AFAP1: variants seen among roughly 807,000 people sequenced by gnomAD.
AFAP1 encodes the protein actin filament-associated protein 1.
In AFAP1, 75 loss-of-function variants were observed where a neutral mutation model predicts 93.9. The observed-to-expected ratio is 0.80, with a 90% CI of 0.66 to 0.97. The LOEUF (loss-of-function observed/expected upper bound fraction) is 0.97, where lower values mean the gene tolerates loss of function less well. Ranked by LOEUF, AFAP1 falls within the 50% of genes least tolerant of loss-of-function variation. AFAP1 has a pLI of 0.00. For synonymous variants in AFAP1, 517 were observed against 430.7 expected, an observed-to-expected ratio of 1.20 and a Z score of -2.48; for missense variants, 1,201 against 1,050.8, an observed-to-expected ratio of 1.14 and a Z score of -1.98.
chr4:7,853,590 GGAA>G (rs1432330910), intron 4 of AFAP1, among the ~76,000 whole-genome samples: 1 of 152,110 alleles, frequency 6.6e-6, no homozygotes, highest in African/African-American at 2.4e-5. Flanking sequence ...CTTCTTCCAG[GGAA>G]GAAGTTCTCA....
chr4:7,766,002 T>C (rs1030181714), intron 17 of AFAP1, among the ~76,000 whole-genome samples: 1 of 152,178 alleles, frequency 6.6e-6, no homozygotes, highest in African/African-American at 2.4e-5. Context: ...GCTCATTAAC[T>C]GGGTCATGAG....
intron 1 of AFAP1, among the ~76,000 whole-genome samples, chr4:7,876,189 C>T (rs1717492779): frequency 6.6e-6 from 1 of 152,230 alleles, no homozygotes; most frequent in African/African-American, 2.4e-5. Context: ...CCTGAGCTCC[C>T]TCTACAGTGC....
rs963170835 is a variant in AFAP1, at chr4:7,773,019, C to T, written c.2063-9G>A. On this transcript the variant is annotated splice_polypyrimidine_tract_variant and intron_variant, in intron 15 of 17. Coordinates refer to ENST00000420658, the MANE Select transcript of AFAP1 (RefSeq NM_001134647.2). ...CGCCTGCGGCTTCCTGCCTGGAATT[C>T]CCAGAAACGCCGTTACTCCCGCGGC... 6 of 1,605,176 alleles carry T rather than the reference C, an allele frequency of 3.7e-6. No homozygotes were observed. The highest frequency in any genetic ancestry group is 5.1e-6 in the Non-Finnish European group (6 of 1,179,354).
chr4:7,808,226 G>A (rs1719699694), intron 9 of AFAP1, among the ~76,000 whole-genome samples: 1 of 152,158 alleles, frequency 6.6e-6, no homozygotes, highest in Admixed American at 6.5e-5. Flanking sequence ...CTCCTAGGAA[G>A]AGCTGCACGG....
chr4:7,857,762 G>A (rs556680289), intron 3 of AFAP1, among the ~76,000 whole-genome samples: 87 of 152,286 alleles, frequency 5.7e-4, no homozygotes, highest in African/African-American at 2.0e-3. Context: ...AACTATTCAT[G>A]TCCTGGAAAA....
At chr4:7,820,143 C>A (rs6446625) in intron 6 of AFAP1, among the ~76,000 whole-genome samples, 126,938 of 152,184 alleles carry the variant, frequency 0.83, 53,269 homozygotes, top group African/African-American at 0.92. Context: ...GAAGGACAGA[C>A]AGGGAGTCAG....
At chr4:7,861,947 T>A (rs1715751175) in intron 3 of AFAP1, 1 of 152,228 alleles carries the variant, frequency 6.6e-6, no homozygotes, top group Admixed American at 6.5e-5. Flanking sequence ...CGTAATGTCA[T>A]CTGTGAAACA....
At chr4:7,798,222 T>C (rs1718649968) in intron 10 of AFAP1, among the ~76,000 whole-genome samples, 1 of 141,166 alleles carries the variant, frequency 7.1e-6, no homozygotes, top group Non-Finnish European at 1.5e-5. Flanking sequence ...ACTGCAACTC[T>C]ATTGGCTGGC....
chr4:7,767,948 C>T (rs1034382757), intron 17 of AFAP1, among the ~76,000 whole-genome samples: 6 of 152,294 alleles, frequency 3.9e-5, no homozygotes, highest in South Asian at 4.2e-4. Context: ...TAATGGTGTA[C>T]ACCTGCAGTC....
At chr4:7,809,099 G>A (rs1430172650) in intron 9 of AFAP1, among the ~76,000 whole-genome samples, 2 of 151,098 alleles carry the variant, frequency 1.3e-5, no homozygotes, top group African/African-American at 2.4e-5. Context: ...TAGGGTACAT[G>A]TGCACAATGC....
intron 6 of AFAP1, among the ~76,000 whole-genome samples, chr4:7,823,737 T>G (rs1721180927): frequency 6.6e-6 from 1 of 152,158 alleles, no homozygotes; most frequent in Non-Finnish European, 1.5e-5. Context: ...ACGTTTGCTC[T>G]CTAATCATTA....
At chr4:7,867,070 G>A (rs1186701711) in intron 3 of AFAP1, among the ~76,000 whole-genome samples, 1 of 119,852 alleles carries the variant, frequency 8.3e-6, no homozygotes, top group East Asian at 2.7e-4. Flanking sequence ...GGGGAGGGGA[G>A]GAGAAGGGAG....
At chr4:7,877,685 G>C (rs1717594089) in intron 1 of AFAP1, among the ~76,000 whole-genome samples, 1 of 152,120 alleles carries the variant, frequency 6.6e-6, no homozygotes, top group South Asian at 2.1e-4. Flanking sequence ...GCCCTGCTTT[G>C]AACATTTCAT....
intron 17 of AFAP1, among the ~76,000 whole-genome samples, chr4:7,766,239 C>T (rs1445470323): frequency 6.6e-6 from 1 of 152,102 alleles, no homozygotes; most frequent in Non-Finnish European, 1.5e-5. Context: ...CCTTCTTGCC[C>T]CTTCAGCCTC....
intron 6 of AFAP1, among the ~76,000 whole-genome samples, chr4:7,822,935 C>T (rs796405712): frequency 8.6e-5 from 13 of 151,826 alleles, no homozygotes; most frequent in African/African-American, 3.1e-4. Context: ...TCTTTGGCAG[C>T]ACTACTCCAA....
chr4:7,903,678 C>CA (rs1443944789), intron 1 of AFAP1, among the ~76,000 whole-genome samples: 1 of 150,950 alleles, frequency 6.6e-6, no homozygotes, highest in Non-Finnish European at 1.5e-5. Flanking sequence ...GACTGTGTCT[C>CA]AAAAAAATAA....
intron 16 of AFAP1, 83 bp downstream of exon 16, chr4:7,772,737 C>A: frequency 7.4e-7 from 1 of 1,349,410 alleles, no homozygotes; most frequent in Non-Finnish European, 1.0e-6. Flanking sequence ...GCCCCAGAGC[C>A]ACTCCACATT....
intron 6 of AFAP1, among the ~76,000 whole-genome samples, chr4:7,830,043 A>C (rs1162502693): frequency 1.3e-5 from 2 of 152,218 alleles, no homozygotes; most frequent in Non-Finnish European, 2.9e-5. Context: ...GCCTGTAATA[A>C]AGAAAGAGGA....
intron 11 of AFAP1, among the ~76,000 whole-genome samples, chr4:7,787,166 GAACTTTCCATAAA>G: frequency 6.6e-6 from 1 of 152,338 alleles, no homozygotes; most frequent in Admixed American, 6.5e-5. Context: ...ATTACGGCTG[GAACTTTCCATAAA>G]AACCCAAGAG....
Sources: gnomAD v4.1 joint callset for allele counts (sites outside exome capture counted in the v4.1 genomes callset) on GRCh38, gnomAD v4.1.1 for gene constraint, MANE v1.5 for transcripts, NCBI Gene and HGNC (gene_info 2026-07-23, HGNC 2026-07-21) for gene names.